The following GABPB1 variants were observed in gnomAD, a reference collection of about 807,000 sequenced individuals.
The protein encoded by GABPB1 is GA-binding protein subunit beta-1.
GABPB1 carries 15 observed loss-of-function variants against 45.9 expected under a neutral mutation model. That is an observed-to-expected ratio of 0.33 (90% CI 0.22 to 0.50). The LOEUF is 0.50. Ranked by LOEUF, GABPB1 falls within the 20% of genes least tolerant of loss-of-function variation. GABPB1 has a pLI of 0.98. For synonymous variants in GABPB1, 143 were observed against 154.4 expected, an observed-to-expected ratio of 0.93 and a Z score of 0.55; for missense variants, 252 against 457.5, an observed-to-expected ratio of 0.55 and a Z score of 4.10.
chr15:50,317,413 A>G (rs374646760), intron 1 of GABPB1, among the ~76,000 whole-genome samples: 5 of 112,910 alleles, frequency 4.4e-5, no homozygotes, highest in South Asian at 2.7e-4. Context: ...TCAAAAAAAA[A>G]AAAGAAAGAA....
intron 2 of GABPB1, among the ~76,000 whole-genome samples, chr15:50,307,028 A>C (rs1162023584): frequency 6.6e-6 from 1 of 152,126 alleles, no homozygotes; most frequent in Non-Finnish European, 1.5e-5. Flanking sequence ...TAAATACAGT[A>C]GTCTTGTATA....
intron 1 of GABPB1, among the ~76,000 whole-genome samples, chr15:50,312,439 A>G (rs1169827792): frequency 6.6e-6 from 1 of 152,172 alleles, no homozygotes; most frequent in East Asian, 1.9e-4. Flanking sequence ...AATCCTGCTT[A>G]AAGACGCTAA....
chr15:50,285,733 T>C, intron 8 of GABPB1: 1 of 872,104 alleles, frequency 1.1e-6, no homozygotes, highest in Admixed American at 5.3e-5. Flanking sequence ...AAAAAAATTT[T>C]AGCCAATATA....
chr15:50,295,936 A>G (rs1300394496), intron 6 of GABPB1, among the ~76,000 whole-genome samples: 1 of 152,246 alleles, frequency 6.6e-6, no homozygotes, highest in Admixed American at 6.5e-5. Context: ...AAAATATTAT[A>G]ATAGACATTG....
At chr15:50,332,377 TAA>T (rs1567535494) in intron 1 of GABPB1, among the ~76,000 whole-genome samples, 2 of 152,210 alleles carry the variant, frequency 1.3e-5, no homozygotes, top group African/African-American at 4.8e-5. Context: ...CTATAGATTT[TAA>T]AAGACATAAG....
intron 8 of GABPB1, among the ~76,000 whole-genome samples, chr15:50,283,916 TC>T (rs2046076811): frequency 6.6e-6 from 1 of 152,236 alleles, no homozygotes; most frequent in Non-Finnish European, 1.5e-5. Context: ...TTTTTAAATT[TC>T]TTTAAGTTTC....
rs1268109629 is a variant in GABPB1 at position 50,342,843 on chromosome 15, C to A, written c.-1+12142G>T. On this transcript the variant is annotated intron_variant, in intron 1 of 8. Transcript: ENST00000380877. Reference sequence around the variant, plus strand: ...AGATAGGTTTCAAGGTTTATATTAACAAGTTGTAGTAGTCAAAGAAGGCCT... The same window carrying A: ...AGATAGGTTTCAAGGTTTATATTAAAAAGTTGTAGTAGTCAAAGAAGGCCT... Among the ~76,000 whole-genome samples, 3 of 152,200 alleles carry A rather than the reference C, an allele frequency of 2.0e-5. No homozygotes were observed. The East Asian group carries it at 5.8e-4, about 29-fold the overall frequency.
At chr15:50,316,403 G>A (rs1266464017) in intron 1 of GABPB1, among the ~76,000 whole-genome samples, 4 of 152,116 alleles carry the variant, frequency 2.6e-5, no homozygotes, top group Non-Finnish European at 5.9e-5. Context: ...CTAGTTCCAC[G>A]TGAATGGTTA....
At chr15:50,281,234 C>T (rs375759871) in intron 8 of GABPB1, among the ~76,000 whole-genome samples, 6 of 151,958 alleles carry the variant, frequency 3.9e-5, no homozygotes, top group Non-Finnish European at 5.9e-5. Flanking sequence ...CTTTTTGAGA[C>T]GGAGTCTTGC....
At chr15:50,317,308 G>A (rs972790743) in intron 1 of GABPB1, among the ~76,000 whole-genome samples, 2 of 151,538 alleles carry the variant, frequency 1.3e-5, no homozygotes, top group African/African-American at 2.4e-5. Context: ...CGGAGGCTGA[G>A]GCAGAGAATC....
At chr15:50,300,646 T>C (rs529026995) in intron 6 of GABPB1, 143 bp downstream of exon 6, 29 of 566,236 alleles carry the variant, frequency 5.1e-5, no homozygotes, top group South Asian at 4.5e-4. Context: ...AGTTTCACTA[T>C]GTTGTCCAGG....
chr15:50,346,951 G>A (rs1281369677), intron 1 of GABPB1, among the ~76,000 whole-genome samples: 8 of 151,762 alleles, frequency 5.3e-5, no homozygotes, highest in Admixed American at 4.6e-4. Context: ...CACTGTGCCC[G>A]GCTAATTTTT....
chr15:50,318,595 A>G (rs7181866), intron 1 of GABPB1, among the ~76,000 whole-genome samples: 10,052 of 152,218 alleles, frequency 0.066, 597 homozygotes, highest in East Asian at 0.2. Flanking sequence ...AGGAGAGAGT[A>G]CCCAAAATGA....
intron 1 of GABPB1, among the ~76,000 whole-genome samples, chr15:50,342,923 T>C (rs2048429059): frequency 6.6e-6 from 1 of 152,196 alleles, no homozygotes; most frequent in South Asian, 2.1e-4. Context: ...TGTTTTGAGA[T>C]GGAGTCTCGC....
chr15:50,345,672 A>G (rs570847074), intron 1 of GABPB1, among the ~76,000 whole-genome samples: 1 of 152,250 alleles, frequency 6.6e-6, no homozygotes, highest in South Asian at 2.1e-4. Flanking sequence ...GTTCATCAAA[A>G]TTGATTTTTT....
At chr15:50,346,727 C>G (rs1435996999) in intron 1 of GABPB1, among the ~76,000 whole-genome samples, 1 of 150,660 alleles carries the variant, frequency 6.6e-6, no homozygotes, top group East Asian at 1.9e-4. Context: ...GGGCCAGCTT[C>G]TAGACATCTG....
intron 1 of GABPB1, among the ~76,000 whole-genome samples, chr15:50,348,546 C>A (rs1313884701): frequency 6.6e-6 from 1 of 151,644 alleles, no homozygotes; most frequent in East Asian, 2.0e-4. Context: ...ACACTGAGCC[C>A]GGCCATTTTT....
At chr15:50,314,560 C>T (rs1277435387) in intron 1 of GABPB1, 1 of 152,170 alleles carries the variant, frequency 6.6e-6, no homozygotes, top group African/African-American at 2.4e-5. Context: ...CCCTTCAGGG[C>T]CCTTTGTATG....
chr15:50,320,724 G>T (rs2047537824), intron 1 of GABPB1, among the ~76,000 whole-genome samples: 1 of 152,130 alleles, frequency 6.6e-6, no homozygotes, highest in Non-Finnish European at 1.5e-5. Context: ...CTTATAAGAG[G>T]GAGACAGGAG....
Sources: gnomAD v4.1 joint callset for allele counts (sites outside exome capture counted in the v4.1 genomes callset) on GRCh38, gnomAD v4.1.1 for gene constraint, MANE v1.5 for transcripts, NCBI Gene and HGNC (gene_info 2026-07-23, HGNC 2026-07-21) for gene names.